LRRC2: variants seen among roughly 807,000 people sequenced by gnomAD.
The protein encoded by LRRC2 is leucine-rich repeat-containing protein 2.
In LRRC2, 27 loss-of-function variants were observed where a neutral mutation model predicts 40.2. That is an observed-to-expected ratio of 0.67 (90% CI 0.49 to 0.93). LRRC2 has a LOEUF of 0.93. Ranked by LOEUF, LRRC2 falls within the 40% of genes least tolerant of loss-of-function variation. The pLI is 0.00. For missense variants in LRRC2, 402 were observed against 439.6 expected (o/e 0.91, Z 0.76); for synonymous variants, 147 against 158.9 (o/e 0.92, Z 0.56).
chr3:46,557,081 G>A (rs536432219), intron 1 of LRRC2, among the ~76,000 whole-genome samples: 69 of 152,282 alleles, frequency 4.5e-4, no homozygotes, highest in Middle Eastern at 3.4e-3. Context: ...CCAAGCCATC[G>A]AATCCCCTGT....
At chr3:46,553,308 G>C (rs1704706544) in intron 1 of LRRC2, among the ~76,000 whole-genome samples, 1 of 152,184 alleles carries the variant, frequency 6.6e-6, no homozygotes, top group Non-Finnish European at 1.5e-5. Flanking sequence ...AAGTGCAGCA[G>C]CAAAGTCTTG....
intron 8 of LRRC2, among the ~76,000 whole-genome samples, chr3:46,520,125 T>A (rs1703939338): frequency 6.7e-6 from 1 of 148,982 alleles, no homozygotes; most frequent in Non-Finnish European, 1.5e-5. Context: ...AAGTAAATAA[T>A]AACTAATAAT....
In LRRC2 at chr3:46,530,036, C is replaced by T. The variant is rs1314551011; in HGVS notation, c.642G>A (p.Lys214=). 6.2e-7 allele frequency: 1 copy of T among 1,610,902 alleles called. No individual in the cohort carries two copies. Among genetic ancestry groups the T allele is most frequent in the Non-Finnish European group, 8.5e-7 (1 of 1,177,234 alleles). Reference sequence around the variant, plus strand: ...CTGAGATATCTACAAATGTAACTTGCTTCAAATTACTTAACTAGAAATGAA... The same window carrying T: ...CTGAGATATCTACAAATGTAACTTGTTTCAAATTACTTAACTAGAAATGAA... ...MELPFELSNL[K]QVTFVDISAN... is the part of the protein sequence containing the mutation. The change falls in exon 6 of 9, where the codon AAG becomes AAA. Residue 214 remains lysine, a synonymous_variant. Coordinates refer to ENST00000395905, the MANE Select transcript of LRRC2 (RefSeq NM_024512.5).
rs1175464528 is a variant in LRRC2 at position 46,525,424 on chromosome 3, A to G, written c.929+2002T>C. ...TATCACCATGCCTGGCTAATTTCTT[A>G]ATTTTTTGTAGAGACAGTATCTCGC... On this transcript the variant is annotated intron_variant, in intron 7 of 8. Transcript: ENST00000395905. 2.6e-5 allele frequency among the ~76,000 whole-genome samples: 4 copies of G among 151,610 alleles called. No individual in the cohort carries two copies. The East Asian group carries it at 7.8e-4, about 29-fold the overall frequency.
In LRRC2 at chr3:46,519,023, A is replaced by G. The variant is rs1358275247; in HGVS notation, c.1107T>C (p.Leu369=). Residue 369 remains leucine, a synonymous_variant, in exon 9 of 9, where the codon CTT becomes CTC. Transcript: ENST00000395905. ...PSYTTKVSFS[L]QL ...AGTCTTCTGATGGATATCAAAGTTG[A>G]AGGCTAAAAGACACTTTGGTGGTAT... The G allele has an allele frequency of 1.2e-6, 2 of 1,606,390 alleles. No homozygotes were observed. The highest frequency in any genetic ancestry group is 1.7e-6 in the Non-Finnish European group (2 of 1,173,200).
At chr3:46,558,532 ACTT>A (rs1377969527) in intron 1 of LRRC2, 1 of 152,196 alleles carries the variant, frequency 6.6e-6, no homozygotes, top group Non-Finnish European at 1.5e-5. Context: ...TCCAGGTCTA[ACTT>A]CTTTGGAGTG....
intron 8 of LRRC2, among the ~76,000 whole-genome samples, chr3:46,519,710 A>G (rs1350336214): frequency 1.3e-5 from 2 of 152,226 alleles, no homozygotes; most frequent in Non-Finnish European, 2.9e-5. Context: ...TATGTTCACT[A>G]AAGCTTGAGG....
chr3:46,545,018 G>A (rs764307320), intron 3 of LRRC2, 28 bp downstream of exon 3: 4 of 1,602,110 alleles, frequency 2.5e-6, no homozygotes, highest in Non-Finnish European at 3.4e-6. Flanking sequence ...CCACAGCACT[G>A]CATTGGGCGA....
chr3:46,558,617 T>A (rs1704866211), intron 1 of LRRC2: 1 of 152,234 alleles, frequency 6.6e-6, no homozygotes, highest in Non-Finnish European at 1.5e-5. Flanking sequence ...AGCTGTTTCC[T>A]CCAAATTCCT....
chr3:46,564,001 A>G (rs202206093), intron 1 of LRRC2, among the ~76,000 whole-genome samples: 1 of 152,342 alleles, frequency 6.6e-6, no homozygotes, highest in East Asian at 1.9e-4. Flanking sequence ...CTGTTTTTCA[A>G]TGCCTAGGAA....
chr3:46,557,140 A>G (rs570298224), intron 1 of LRRC2, among the ~76,000 whole-genome samples: 33 of 152,308 alleles, frequency 2.2e-4, no homozygotes, highest in African/African-American at 7.0e-4. Context: ...AAGAATCACA[A>G]AAGAAGTGAA....
chr3:46,529,131 T>C (rs1046344218), intron 6 of LRRC2, among the ~76,000 whole-genome samples: 3 of 150,728 alleles, frequency 2.0e-5, no homozygotes, highest in African/African-American at 2.4e-5. Context: ...AAAAAAAAAA[T>C]TGTAGATTCC....
Position 46,555,419 on chromosome 3 carries a change from T to A in LRRC2, c.-19-3809A>T, listed in dbSNP as rs1704770151. On this transcript the variant is annotated intron_variant, in intron 1 of 8. Transcript: ENST00000395905. ...ACTTTTTTTCTATTTGATCCCTCTTTTGTTTTCCTATTTTACACTTTCCTG... is the reference window on the plus strand; with the variant it reads ...ACTTTTTTTCTATTTGATCCCTCTTATGTTTTCCTATTTTACACTTTCCTG... Among the ~76,000 whole-genome samples the A allele has an allele frequency of 3.3e-5, 5 of 152,304 alleles. No homozygotes were observed. The South Asian group carries it at 1.0e-3, about 32-fold the overall frequency.
rs148568167 is a variant in LRRC2 at position 46,541,175 on chromosome 3, T to C, written c.334-1974A>G. On this transcript the variant is annotated intron_variant, in intron 3 of 8. Coordinates refer to ENST00000395905, the MANE Select transcript of LRRC2 (RefSeq NM_024512.5). ...AGTGAAACTCCGTCTCTACTAAAAA[T>C]ACAAAACATTAGCCGGGCGTGGTGG... is the stretch of plus-strand genomic sequence containing the variant. 4.6e-3 allele frequency among the ~76,000 whole-genome samples: 692 copies of C among 151,574 alleles called. 11 individuals are homozygous for C. The highest frequency in any genetic ancestry group is 0.016 in the African/African-American group (642 of 41,316).
At chr3:46,539,017 C>G in intron 4 of LRRC2, 28 bp downstream of exon 4, 1 of 1,608,530 alleles carries the variant, frequency 6.2e-7, no homozygotes, top group Non-Finnish European at 8.5e-7. Context: ...ACACCAGAGG[C>G]CCGAAGACCC....
intron 8 of LRRC2, among the ~76,000 whole-genome samples, chr3:46,520,816 T>C (rs1703951356): frequency 6.6e-6 from 1 of 152,162 alleles, no homozygotes; most frequent in Non-Finnish European, 1.5e-5. Context: ...CTCTCAGGCA[T>C]CCACACCCAG....
intron 5 of LRRC2, 109 bp from the exon 6 acceptor site, chr3:46,530,159 T>C: frequency 3.5e-6 from 3 of 863,532 alleles, no homozygotes; most frequent in East Asian, 5.3e-5. Context: ...TCTATGAATA[T>C]ATGCAAAGCA....
In LRRC2 at chr3:46,519,008, T is replaced by C. The variant is rs1703918230; in HGVS notation, c.*6A>G. On this transcript the variant is annotated 3_prime_UTR_variant, in exon 9 of 9. Transcript: ENST00000395905. ...AATAGTGAGATTTGCAGTCTTCTGA[T>C]GGATATCAAAGTTGAAGGCTAAAAG... The C allele has an allele frequency of 6.3e-7, 1 of 1,586,176 alleles. No individual in the cohort carries two copies. Among genetic ancestry groups the C allele is most frequent in the Non-Finnish European group, 8.7e-7 (1 of 1,154,654 alleles).
chr3:46,533,486 C>G (rs1377282408), intron 4 of LRRC2, among the ~76,000 whole-genome samples: 2 of 152,162 alleles, frequency 1.3e-5, no homozygotes, highest in Non-Finnish European at 2.9e-5. Flanking sequence ...TTGAAAATAT[C>G]ATAAGTCAAA....
Sources: gnomAD v4.1 joint callset for allele counts (sites outside exome capture counted in the v4.1 genomes callset) on GRCh38, gnomAD v4.1.1 for gene constraint, MANE v1.5 for transcripts, NCBI Gene and HGNC (gene_info 2026-07-23, HGNC 2026-07-21) for gene names.